The following ESRRG variants were observed in gnomAD, a reference collection of about 807,000 sequenced individuals.
ESRRG encodes the protein estrogen-related receptor gamma.
ESRRG carries 13 observed loss-of-function variants against 44.0 expected under a neutral mutation model. The observed-to-expected ratio is 0.30, with a 90% CI of 0.19 to 0.47. The LOEUF is 0.47. ESRRG is among the 20% of genes least tolerant of loss of function. The pLI is 1.00. For missense variants in ESRRG, 395 were observed against 580.6 expected (o/e 0.68, Z 3.29); for synonymous variants, 215 against 214.6 (o/e 1.00, Z -0.02).
chr1:217,066,845 C>A (rs1488286810), intron 1 of ESRRG, among the ~76,000 whole-genome samples: 2 of 152,152 alleles, frequency 1.3e-5, no homozygotes, highest in African/African-American at 2.4e-5. Context: ...GACAAAATTG[C>A]CCCTAACTGA....
intron 3 of ESRRG, among the ~76,000 whole-genome samples, chr1:216,644,638 C>T (rs938376769): frequency 1.3e-5 from 2 of 151,482 alleles, no homozygotes; most frequent in Non-Finnish European, 2.9e-5. Context: ...GGTTTCATCA[C>T]GTTGCCCAGG....
chr1:216,902,529 A>G (rs2059205038), intron 2 of ESRRG, among the ~76,000 whole-genome samples: 1 of 152,024 alleles, frequency 6.6e-6, no homozygotes, highest in Non-Finnish European at 1.5e-5. Context: ...AATTATTTCT[A>G]CCTCCATGAC....
intron 2 of ESRRG, among the ~76,000 whole-genome samples, chr1:216,658,788 G>C (rs965518673): frequency 6.6e-6 from 1 of 151,328 alleles, no homozygotes; most frequent in South Asian, 2.1e-4. Flanking sequence ...AGCTGAAATC[G>C]TGCCACTGCA....
At chr1:217,122,557 G>A (rs2092833166) in intron 1 of ESRRG, among the ~76,000 whole-genome samples, 1 of 152,006 alleles carries the variant, frequency 6.6e-6, no homozygotes, top group African/African-American at 2.4e-5. Context: ...GTATATACAG[G>A]AGGACCCAGG....
chr1:216,771,478 G>A (rs1041730189), intron 2 of ESRRG, among the ~76,000 whole-genome samples: 2 of 152,224 alleles, frequency 1.3e-5, no homozygotes, highest in Middle Eastern at 3.4e-3. Context: ...ATATATTCTA[G>A]TGTATTCTAA....
At chr1:216,802,386 T>G (rs1160938142) in intron 2 of ESRRG, among the ~76,000 whole-genome samples, 2 of 152,064 alleles carry the variant, frequency 1.3e-5, no homozygotes. Context: ...AAAGAGAGAA[T>G]TCACTGAGAA....
chr1:216,985,866 G>C (rs566539194), intron 1 of ESRRG: 19 of 152,216 alleles, frequency 1.2e-4, no homozygotes, highest in African/African-American at 4.6e-4. Context: ...AGCTAAGCAA[G>C]AGTCATACAA....
chr1:216,780,157 C>A (rs773225700), intron 2 of ESRRG, among the ~76,000 whole-genome samples: 1 of 151,818 alleles, frequency 6.6e-6, no homozygotes, highest in African/African-American at 2.4e-5. Context: ...AATGATTAAA[C>A]CTTAATACAA....
intron 1 of ESRRG, among the ~76,000 whole-genome samples, chr1:217,053,728 T>C (rs1178304747): frequency 6.6e-6 from 1 of 152,132 alleles, no homozygotes; most frequent in Non-Finnish European, 1.5e-5. Context: ...TTTTTTACCC[T>C]GATAGTGCAG....
intron 2 of ESRRG, among the ~76,000 whole-genome samples, chr1:216,673,081 G>A (rs188569849): frequency 6.6e-6 from 1 of 151,970 alleles, no homozygotes; most frequent in Non-Finnish European, 1.5e-5. Flanking sequence ...CCTTTTCCTT[G>A]GAGAGCTTTA....
intron 2 of ESRRG, among the ~76,000 whole-genome samples, chr1:216,802,506 A>G (rs1426913049): frequency 6.6e-6 from 1 of 152,224 alleles, no homozygotes; most frequent in Non-Finnish European, 1.5e-5. Flanking sequence ...GACCAGCTAC[A>G]TAATTTGTGG....
intron 1 of ESRRG, among the ~76,000 whole-genome samples, chr1:217,072,997 G>C (rs1419848543): frequency 3.3e-5 from 5 of 151,844 alleles, no homozygotes; most frequent in African/African-American, 4.8e-5. Context: ...CCTTGGGAAA[G>C]AAGATTGTAG....
chr1:217,032,288 T>C (rs985222507), intron 1 of ESRRG, among the ~76,000 whole-genome samples: 19 of 152,218 alleles, frequency 1.2e-4, no homozygotes, highest in Admixed American at 1.3e-4. Flanking sequence ...TTTCATTTTA[T>C]GATTTTGGAT....
chr1:216,552,086 G>A (rs1217690892), intron 5 of ESRRG, among the ~76,000 whole-genome samples: 1 of 151,982 alleles, frequency 6.6e-6, no homozygotes, highest in Non-Finnish European at 1.5e-5. Flanking sequence ...AATAACATAG[G>A]CCTATTGTTT....
intron 6 of ESRRG, among the ~76,000 whole-genome samples, chr1:216,515,930 G>A (rs552786249): frequency 6.6e-6 from 1 of 151,798 alleles, no homozygotes; most frequent in South Asian, 2.1e-4. Context: ...TCTTACCTAG[G>A]TGCTTATAGA....
At chr1:216,700,913 CAGCAATTATAAGT>C (rs1329753287) in intron 1 of ESRRG, among the ~76,000 whole-genome samples, 4 of 152,068 alleles carry the variant, frequency 2.6e-5, no homozygotes, top group Non-Finnish European at 4.4e-5. Flanking sequence ...AAAGTGAATC[CAGCAATTATAAGT>C]AGTGTGAGGC....
At chr1:216,649,225 C>T (rs1236317017) in intron 3 of ESRRG, among the ~76,000 whole-genome samples, 1 of 152,058 alleles carries the variant, frequency 6.6e-6, no homozygotes, top group Non-Finnish European at 1.5e-5. Flanking sequence ...ATCACTGGAG[C>T]CTGGAATAGT....
At chr1:217,091,493 G>A (rs1169304951), upstream of ESRRG, among the ~76,000 whole-genome samples, 5 of 152,220 alleles carry the variant, frequency 3.3e-5, no homozygotes, top group Admixed American at 6.5e-5. Flanking sequence ...AGAATCATTC[G>A]CAAATTCCAC....
intron 5 of ESRRG, among the ~76,000 whole-genome samples, chr1:216,539,786 T>C (rs2052138532): frequency 6.6e-6 from 1 of 152,034 alleles, no homozygotes; most frequent in Non-Finnish European, 1.5e-5. Flanking sequence ...AGTAGTTTTA[T>C]AATGGAATGT....
Sources: gnomAD v4.1 joint callset for allele counts (sites outside exome capture counted in the v4.1 genomes callset) on GRCh38, gnomAD v4.1.1 for gene constraint, MANE v1.5 for transcripts, NCBI Gene and HGNC (gene_info 2026-07-23, HGNC 2026-07-21) for gene names.